The following GRK1 variants were observed in gnomAD, a reference collection of about 807,000 sequenced individuals.
The protein encoded by GRK1 is G protein-coupled receptor kinase 1.
GRK1 carries 28 observed loss-of-function variants against 41.7 expected under a neutral mutation model. The observed-to-expected ratio is 0.67, with a 90% CI of 0.50 to 0.92. The LOEUF is 0.92. GRK1 is among the 40% of genes least tolerant of loss of function. The pLI is 0.00. For missense variants in GRK1, 703 were observed against 671.2 expected (o/e 1.05, Z -0.52); for synonymous variants, 327 against 286.7 (o/e 1.14, Z -1.42).
At chr13:113,670,214 A>C (rs1349902834) in intron 2 of GRK1, among the ~76,000 whole-genome samples, 1 of 152,098 alleles carries the variant, frequency 6.6e-6, no homozygotes, top group Non-Finnish European at 1.5e-5. Context: ...TGGAGACAAG[A>C]TCAGTCCAGC....
rs2049934486 is a variant in GRK1 at position 113,731,214 on chromosome 13, G to A, written c.1070-5G>A. On this transcript the variant is annotated splice_polypyrimidine_tract_variant and splice_region_variant and intron_variant, in intron 4 of 6. Transcript: ENST00000335678. This position sits in a 1 kb window ranked among gnomAD's most constrained non-coding sequence, Gnocchi z 5.6. The stretch of plus-strand genomic sequence containing the variant: ...CTCTGAACCCGCAATGTCCCTTGCT[G>A]GCAGGTTTCATGGCCCCCGAGCTCC... 5.2e-6 allele frequency: 8 copies of A among 1,536,862 alleles called. No individual in the cohort carries two copies. Among genetic ancestry groups the A allele is most frequent in the East Asian group, 2.4e-5 (1 of 40,902 alleles).
In GRK1 at chr13:113,735,368, C is replaced by A. The variant is rs995051191; in HGVS notation, c.*5C>A. ...GGGATGTGTCTGGTTTCCTAGGTGA[C>A]GCCCCAGAGTCCACGTGGAGGAAAA... On this transcript the variant is annotated 3_prime_UTR_variant, in exon 7 of 7. Transcript: ENST00000335678. The A allele has an allele frequency of 6.7e-7, 1 of 1,485,956 alleles. No homozygotes were observed. Among genetic ancestry groups the A allele is most frequent in the Non-Finnish European group, 8.9e-7 (1 of 1,118,998 alleles). The allele number at this position is 1,485,956 out of a possible 1,614,324, so 92.0% of individuals were successfully genotyped here.
intron 6 of GRK1, among the ~76,000 whole-genome samples, chr13:113,733,647 GCATA>G (rs2049958831): frequency 7.3e-6 from 1 of 136,214 alleles, no homozygotes; most frequent in African/African-American, 3.1e-5. Context: ...ATGTATGTGT[GCATA>G]CGTGTGTGTG....
chr13:113,668,688 CAGCAGA>C (rs1295329360), intron 1 of GRK1, among the ~76,000 whole-genome samples: 1 of 152,242 alleles, frequency 6.6e-6, no homozygotes, highest in Non-Finnish European at 1.5e-5. Flanking sequence ...GGGGCAGGAT[CAGCAGA>C]AGCTGCTTAC....
upstream of GRK1, among the ~76,000 whole-genome samples, chr13:113,664,468 C>A (rs1028051347): frequency 6.6e-6 from 1 of 151,354 alleles, no homozygotes; most frequent in Admixed American, 6.6e-5. The surrounding 1 kb of genome is among the most constrained non-coding windows in gnomAD (Gnocchi z 5.4). Context: ...ATTTGGGAAA[C>A]GACATACTTT....
chr13:113,662,594 A>T (rs1478124160), upstream of GRK1, among the ~76,000 whole-genome samples: 1 of 152,258 alleles, frequency 6.6e-6, no homozygotes, highest in Non-Finnish European at 1.5e-5. Context: ...AAGTGAGTTT[A>T]GCAAGGTCTC....
chr13:113,724,682 C>T (rs1566695656), intron 4 of GRK1, among the ~76,000 whole-genome samples: 3 of 152,154 alleles, frequency 2.0e-5, no homozygotes, highest in Admixed American at 2.0e-4. Flanking sequence ...GGCCAGTGGT[C>T]GAAGGTCTCA....
intron 6 of GRK1, among the ~76,000 whole-genome samples, chr13:113,733,588 T>C (rs577925612): frequency 1.3e-5 from 2 of 149,856 alleles, no homozygotes; most frequent in Non-Finnish European, 3.0e-5. Context: ...TGTGCATACG[T>C]GTGTGTGCAT....
At chr13:113,654,677 C>G in the GRK1 span, 4 of 1,369,270 alleles carry the variant, frequency 2.9e-6, no homozygotes, top group East Asian at 1.0e-4. Context: ...GGGTGTGTGG[C>G]TCACCCTGGG....
rs370485078 is a variant in GRK1, at chr13:113,667,815, C to T, written c.429C>T (p.Asp143=). 32 of 1,600,404 alleles carry T rather than the reference C, an allele frequency of 2.0e-5. No individual in the cohort carries two copies. The East Asian group carries it at 2.5e-4, about 12-fold the overall frequency. ...KFKEGPVEIQ[D]GLFQPLLQAT... ...AGGAGGGGCCTGTGGAGATCCAGGA[C>T]GGGCTCTTCCAGCCCCTGCTGCAGG... Residue 143 remains aspartate, a synonymous_variant, in exon 1 of 7, where the codon GAC becomes GAT. Transcript: ENST00000335678. The surrounding 1 kb of genome is among the most constrained non-coding windows in gnomAD (Gnocchi z 7.5).
At chr13:113,733,157 C>A in intron 6 of GRK1, 72 bp downstream of exon 6, 1 of 1,442,600 alleles carries the variant, frequency 6.9e-7, no homozygotes, top group South Asian at 1.4e-5. Flanking sequence ...TCCGCCCGGT[C>A]CAGCCTGTGA....
chr13:113,667,188 T>A (rs771042649), upstream of GRK1: 4 of 574,150 alleles, frequency 7.0e-6, no homozygotes, highest in Non-Finnish European at 1.2e-5. The surrounding 1 kb of genome is among the most constrained non-coding windows in gnomAD (Gnocchi z 7.5). Flanking sequence ...AGCCTGGTGC[T>A]GTGTCAGCCC....
chr13:113,733,670 C>CATGTATGTATGCAT (rs1491299431), intron 6 of GRK1, among the ~76,000 whole-genome samples: 2 of 54,702 alleles, frequency 3.7e-5, no homozygotes, highest in African/African-American at 1.2e-4. Flanking sequence ...TGCGTGTGTG[C>CATGTATGTATGCAT]ACGTGTGTGC....
chr13:113,729,305 C>T (rs568591862), intron 4 of GRK1, among the ~76,000 whole-genome samples: 3 of 152,334 alleles, frequency 2.0e-5, no homozygotes, highest in South Asian at 2.1e-4. Context: ...GATCCGCTGG[C>T]GGAGCCAGAA....
intron 6 of GRK1, among the ~76,000 whole-genome samples, chr13:113,733,679 GCA>G (rs1566699630): frequency 1.4e-4 from 20 of 144,002 alleles, no homozygotes; most frequent in African/African-American, 4.9e-4. Flanking sequence ...GCACGTGTGT[GCA>G]TGTATGTGTG....
At chr13:113,661,459 A>G in the GRK1 span, among the ~76,000 whole-genome samples, 2 of 152,120 alleles carry the variant, frequency 1.3e-5, no homozygotes, top group African/African-American at 4.8e-5. Context: ...CAAGTAAAAC[A>G]AAGCAAAAGC....
At position 113,723,059 on chromosome 13, in the gene GRK1, C is replaced by A. The variant is rs538657619; in HGVS notation, c.986-15C>A. ...TCCTGTGCAGCCAGGGGTGACTCCG[C>A]TATCTGCCTCTCAGGCAATGTCCGG... On this transcript the variant is annotated splice_polypyrimidine_tract_variant and intron_variant, in intron 3 of 6. Transcript: ENST00000335678. 4 of 699,422 alleles carry A rather than the reference C, an allele frequency of 5.7e-6. No homozygotes were observed. Among genetic ancestry groups the A allele is most frequent in the African/African-American group, 1.8e-5 (1 of 55,612 alleles). 43.3% of individuals were successfully genotyped at this position (699,422 alleles called of 1,614,324 possible). A position where few individuals can be genotyped will look rare whatever the true frequency, so the allele number is the denominator to read the frequency against.
intron 6 of GRK1, chr13:113,734,772 C>T: frequency 6.9e-6 from 2 of 288,176 alleles, no homozygotes; most frequent in Non-Finnish European, 1.3e-5. Context: ...CTAGGGGAGG[C>T]TCCCAACAAG....
chr13:113,728,136 A>G (rs1257591054), intron 4 of GRK1, among the ~76,000 whole-genome samples: 4 of 116,020 alleles, frequency 3.4e-5, no homozygotes, highest in Non-Finnish European at 7.0e-5. Flanking sequence ...AGGAGTACCC[A>G]TGGCGATGAG....
Sources: allele counts gnomAD v4.1 joint callset (sites outside exome capture counted in the v4.1 genomes callset), GRCh38; gene constraint gnomAD v4.1.1; non-coding constraint Gnocchi (gnomAD v3.1); transcripts MANE v1.5; gene names NCBI Gene and HGNC (gene_info 2026-07-23, HGNC 2026-07-21).